ZCWPW2: variants seen among roughly 807,000 people sequenced by gnomAD.
ZCWPW2 encodes the protein zinc finger CW-type PWWP domain protein 2.
ZCWPW2 carries 45 observed loss-of-function variants against 46.6 expected under a neutral mutation model. That is an observed-to-expected ratio of 0.96 (90% CI 0.76 to 1.24). The LOEUF (loss-of-function observed/expected upper bound fraction) is 1.24, where lower values mean the gene tolerates loss of function less well. ZCWPW2 is among the 50% of genes most tolerant of loss of function. The pLI is 0.00. For synonymous variants in ZCWPW2, 152 were observed against 137.1 expected (o/e 1.11, Z -0.76); for missense variants, 429 against 403.9 (o/e 1.06, Z -0.53).
chr3:28,356,715 G>A (rs1704744897), intron 1 of ZCWPW2, among the ~76,000 whole-genome samples: 1 of 152,174 alleles, frequency 6.6e-6, no homozygotes, highest in South Asian at 2.1e-4. Context: ...GGACATGGAT[G>A]AAGCTGGAAA....
At chr3:28,408,193 C>T (rs778767679) in intron 2 of ZCWPW2, among the ~76,000 whole-genome samples, 11 of 152,136 alleles carry the variant, frequency 7.2e-5, no homozygotes, top group Non-Finnish European at 1.2e-4. Flanking sequence ...GACCCAACAT[C>T]CTAAGAAAAT....
At chr3:28,382,485 C>T (rs1382379596) in intron 1 of ZCWPW2, among the ~76,000 whole-genome samples, 2 of 152,114 alleles carry the variant, frequency 1.3e-5, no homozygotes, top group Non-Finnish European at 2.9e-5. Context: ...GAGTAATATT[C>T]TGAGTTACTG....
At position 28,435,179 on chromosome 3, in the gene ZCWPW2, T is replaced by G. The variant is rs749119778; in HGVS notation, c.402T>G (p.Val134=). The G allele has an allele frequency of 1.2e-6, 2 of 1,613,784 alleles. No individual in the cohort carries two copies. The highest frequency in any genetic ancestry group is 1.7e-6 in the Non-Finnish European group (2 of 1,179,956). Residue 134 remains valine, a synonymous_variant, in exon 4 of 10, where the codon GTT becomes GTG. Transcript: ENST00000383768. ...KYVTYDPDGN[V]EEYHIEFLGD... ...TAACTTATGACCCGGATGGAAATGTTGAAGAGTATCACATAGAATTCCTGG... is the reference window on the plus strand; with the variant it reads ...TAACTTATGACCCGGATGGAAATGTGGAAGAGTATCACATAGAATTCCTGG...
intron 3 of ZCWPW2, among the ~76,000 whole-genome samples, chr3:28,429,152 T>C (rs951022763): frequency 7.2e-5 from 11 of 152,196 alleles, no homozygotes; most frequent in African/African-American, 2.7e-4. Flanking sequence ...AGAGACTTGT[T>C]GAATGACTTT....
At position 28,478,802 on chromosome 3, in the gene ZCWPW2, G is replaced by A. The variant is rs780915050; in HGVS notation, c.493-12G>A. On this transcript the variant is annotated splice_polypyrimidine_tract_variant and intron_variant, in intron 4 of 9. Transcript: ENST00000383768. The stretch of plus-strand genomic sequence containing the variant: ...AAAAATGAATTTTTTTCTTTTTTCT[G>A]TATTTATATAGCCAGAAAAGTGTAA... The A allele has an allele frequency of 4.9e-6, 7 of 1,433,618 alleles. No homozygotes were observed. The highest frequency in any genetic ancestry group is 6.5e-6 in the Non-Finnish European group (7 of 1,073,948). The allele number at this position is 1,433,618 out of a possible 1,614,324, so 88.8% of individuals were successfully genotyped here. A position where few individuals can be genotyped will look rare whatever the true frequency, so the allele number is the denominator to read the frequency against.
rs572120211 is a variant in ZCWPW2, at chr3:28,503,249, A to G, written c.658-10815A>G. On this transcript the variant is annotated intron_variant, in intron 6 of 9. Transcript: ENST00000383768. Reference sequence around the variant, plus strand: ...TTTTTTAAGAAACAAAATCTTCCTCAAGTACCAGTTATCAAATGGTGAACA... The same window carrying G: ...TTTTTTAAGAAACAAAATCTTCCTCGAGTACCAGTTATCAAATGGTGAACA... 3.3e-5 allele frequency among the ~76,000 whole-genome samples: 5 copies of G among 152,266 alleles called. No homozygotes were observed. In the South Asian group the frequency reaches 1.0e-3, roughly 32 times the overall value.
At chr3:28,384,905 C>T (rs374448228) in intron 1 of ZCWPW2, among the ~76,000 whole-genome samples, 105 of 152,252 alleles carry the variant, frequency 6.9e-4, no homozygotes, top group African/African-American at 2.4e-3. Flanking sequence ...CGTGAGCCAC[C>T]GTGCCCGGCC....
intron 1 of ZCWPW2, among the ~76,000 whole-genome samples, chr3:28,362,836 A>T (rs192270422): frequency 5.3e-5 from 8 of 152,322 alleles, no homozygotes; most frequent in Non-Finnish European, 7.3e-5. Flanking sequence ...AGTAGTATGG[A>T]TAAAGAAAAT....
chr3:28,349,856 G>C (rs1431529257), intron 1 of ZCWPW2, among the ~76,000 whole-genome samples: 1 of 152,142 alleles, frequency 6.6e-6, no homozygotes, highest in Non-Finnish European at 1.5e-5. Flanking sequence ...CAGCCCAACT[G>C]TCAGCCCAAT....
chr3:28,395,491 A>G (rs2125722200), intron 2 of ZCWPW2, among the ~76,000 whole-genome samples: 1 of 152,340 alleles, frequency 6.6e-6, no homozygotes. Flanking sequence ...ACATTAGCCA[A>G]GAAGTGGAAA....
At chr3:28,486,727 T>C (rs749433713) in intron 5 of ZCWPW2, among the ~76,000 whole-genome samples, 25 of 151,894 alleles carry the variant, frequency 1.6e-4, no homozygotes, top group Non-Finnish European at 3.2e-4. Flanking sequence ...ATTCAAAAAT[T>C]AGCCAGGTAT....
rs113663922 is a variant in ZCWPW2, at chr3:28,405,151, C to G, written c.-13-7905C>G. Among the ~76,000 whole-genome samples, 590 of 152,230 alleles carry G rather than the reference C, an allele frequency of 3.9e-3. 2 individuals are homozygous for G. Among genetic ancestry groups the G allele is most frequent in the African/African-American group, 0.014 (569 of 41,532 alleles). ...CCTAAAGCTTATTCATATAAACGTA[C>G]TTTTCCTAAGTCTCTTTTCAATTCA... On this transcript the variant is annotated intron_variant, in intron 2 of 9. Transcript: ENST00000383768.
intron 6 of ZCWPW2, among the ~76,000 whole-genome samples, chr3:28,502,352 C>G (rs188522509): frequency 1.9e-4 from 29 of 151,972 alleles, no homozygotes; most frequent in African/African-American, 6.5e-4. Context: ...ACCAATTTTC[C>G]GGTGCAGATT....
intron 4 of ZCWPW2, among the ~76,000 whole-genome samples, chr3:28,474,618 T>C (rs868392076): frequency 5.9e-4 from 86 of 146,550 alleles, no homozygotes; most frequent in South Asian, 1.3e-3. Context: ...TGTGTGTGTG[T>C]GTGCGCGCGC....
chr3:28,438,643 G>T (rs1457589436), intron 4 of ZCWPW2, among the ~76,000 whole-genome samples: 2 of 151,982 alleles, frequency 1.3e-5, no homozygotes, highest in Non-Finnish European at 2.9e-5. Flanking sequence ...GACCTGTAAA[G>T]AAACAGGAAA....
intron 3 of ZCWPW2, among the ~76,000 whole-genome samples, chr3:28,428,669 C>G (rs76744084): frequency 0.012 from 1,813 of 152,300 alleles, 43 homozygotes; most frequent in African/African-American, 0.041. Flanking sequence ...AAACTGTAAT[C>G]TCCACGTGTT....
At chr3:28,517,339 T>G (rs960186813) in intron 8 of ZCWPW2, among the ~76,000 whole-genome samples, 3 of 152,206 alleles carry the variant, frequency 2.0e-5, no homozygotes, top group Non-Finnish European at 2.9e-5. Context: ...GCTCACAGTT[T>G]TGCAAGCTTT....
chr3:28,370,820 C>A lies in ZCWPW2; in HGVS notation c.-133-19678C>A, dbSNP rs575874053. Among the ~76,000 whole-genome samples, 6 of 152,264 alleles carry A rather than the reference C, an allele frequency of 3.9e-5. No homozygotes were observed. In the South Asian group the frequency reaches 1.2e-3, roughly 32 times the overall value. ...TAATCTCGGCTCAACGCAACCTCCA[C>A]CTCTCCGATTCAAGAAATTCTCCTG... is the stretch of plus-strand genomic sequence containing the variant. On this transcript the variant is annotated intron_variant, in intron 1 of 9. Coordinates refer to ENST00000383768, the MANE Select transcript of ZCWPW2 (RefSeq NM_001040432.4).
rs1189270277 is a variant in ZCWPW2 at position 28,515,583 on chromosome 3, A to G, written c.746A>G (p.Asn249Ser). ...RKAILKCSFENVYSDDALSKE... is the reference protein window; with the variant it reads ...RKAILKCSFESVYSDDALSKE... ...GCAATTTTAAAATGCTCTTTTGAAA[A>G]TGTTTATTCTGATGATGCCTTATCA... The change falls in exon 8 of 10, where the codon AAT (asparagine) becomes AGT (serine). Residue 249 changes from asparagine (N) to serine (S), a missense_variant. Transcript: ENST00000383768. 1 of 1,608,078 alleles carries G rather than the reference A, an allele frequency of 6.2e-7. No individual in the cohort carries two copies. The highest frequency in any genetic ancestry group is 1.7e-5 in the Admixed American group (1 of 59,588).
Sources: gnomAD v4.1 joint callset for allele counts (sites outside exome capture counted in the v4.1 genomes callset) on GRCh38, gnomAD v4.1.1 for gene constraint, MANE v1.5 for transcripts, NCBI Gene and HGNC (gene_info 2026-07-23, HGNC 2026-07-21) for gene names.